Variants in SMARCC2 observed in about 807,000 individuals in gnomAD.
The protein encoded by SMARCC2 is SWI/SNF complex subunit SMARCC2.
SMARCC2 carries 15 observed loss-of-function variants against 151.3 expected under a neutral mutation model. The ratio of observed to expected loss-of-function variants is 0.10; its 90% CI spans 0.07 to 0.15. The LOEUF (loss-of-function observed/expected upper bound fraction) is 0.15, where lower values mean the gene tolerates loss of function less well. Ranked by LOEUF, SMARCC2 falls within the 10% of genes least tolerant of loss-of-function variation. SMARCC2 has a pLI of 1.00. For missense variants in SMARCC2, 1,031 were observed against 1,599.7 expected (o/e 0.64, Z 6.06); for synonymous variants, 590 against 609.5 (o/e 0.97, Z 0.47).
At position 56,177,957 on chromosome 12, in the gene SMARCC2, G is replaced by C. The variant is rs1304670690; in HGVS notation, c.1382+65C>G. 2.7e-6 allele frequency: 3 copies of C among 1,094,332 alleles called. No homozygotes were observed. The East Asian group carries it at 7.2e-5, about 26-fold the overall frequency. 67.8% of individuals were successfully genotyped at this position (1,094,332 alleles called of 1,614,324 possible). A position where few individuals can be genotyped will look rare whatever the true frequency, so the allele number is the denominator to read the frequency against. On this transcript the variant is annotated intron_variant, in intron 15 of 28. Coordinates refer to ENST00000550164, the MANE Select transcript of SMARCC2 (RefSeq NM_001330288.2). ...AATGTTTGCTAAACTGAATGTTACT[G>C]GATCAGGAAGGGTGAATGTGGGGAC...
rs1876102975 is a variant in SMARCC2 at position 56,181,068 on chromosome 12, G to T, written c.990C>A (p.Gly330=). The change falls in exon 11 of 29, where the codon GGC becomes GGA. Residue 330 remains glycine (G), a synonymous_variant. Transcript: ENST00000550164. ...GGTCTTCTTGCTCCTCTTCTCTGTG[G>T]CCACGCTTTGACTTAGTGTAAGGTG... The part of the protein sequence containing the change: ...PSTPYTKSKR[G]HREEEQEDLT... 6.2e-7 allele frequency: 1 copy of T among 1,613,876 alleles called. No homozygotes were observed. The highest frequency in any genetic ancestry group is 8.5e-7 in the Non-Finnish European group (1 of 1,179,896).
intron 27 of SMARCC2, 55 bp from the exon 28 acceptor site, chr12:56,164,786 C>T (rs1447423783): frequency 5.1e-6 from 7 of 1,384,256 alleles, no homozygotes; most frequent in Non-Finnish European, 4.9e-6. Context: ...TGCTTAACAA[C>T]TCACCTTTTC....
At chr12:56,182,255 GAACA>G (rs1264967083) in intron 7 of SMARCC2, among the ~76,000 whole-genome samples, 176 bp from the exon 8 acceptor site, 1 of 151,662 alleles carries the variant, frequency 6.6e-6, no homozygotes, top group African/African-American at 2.4e-5. Flanking sequence ...CAAAAATAGA[GAACA>G]AAAAGAATCA....
Position 56,170,421 on chromosome 12 carries a change from TTTTTTTG to T in SMARCC2, c.2348-220_2348-214del, listed in dbSNP as rs1471755809. 7.2e-5 allele frequency among the ~76,000 whole-genome samples: 11 copies of T among 151,970 alleles called. 2 individuals are homozygous for T. In the South Asian group the frequency reaches 2.1e-3, roughly 29 times the overall value. ...ACCCAGCTTCTCCATAACACCTGTT[TTTTTTTG>T]TTTTTTGTTTTTTTGTGACAGGGTC... On this transcript the variant is annotated intron_variant, in intron 22 of 28. Coordinates refer to ENST00000550164, the MANE Select transcript of SMARCC2 (RefSeq NM_001330288.2).
chr12:56,173,251 T>C (rs925640974), intron 17 of SMARCC2, among the ~76,000 whole-genome samples: 1 of 152,222 alleles, frequency 6.6e-6, no homozygotes, highest in Non-Finnish European at 1.5e-5. Flanking sequence ...AATTAGGTTC[T>C]AATCCTAGAT....
At chr12:56,185,885 T>C (rs927351416) in intron 3 of SMARCC2, 2 of 478,722 alleles carry the variant, frequency 4.2e-6, no homozygotes, top group Non-Finnish European at 3.7e-6. Context: ...TCACTCTCTG[T>C]GCTTACTTCA....
intron 14 of SMARCC2, 32 bp from the exon 15 acceptor site, chr12:56,178,125 A>C (rs1206652393): frequency 1.9e-6 from 3 of 1,584,878 alleles, no homozygotes; most frequent in Non-Finnish European, 2.6e-6. Context: ...TTTCAGAAGA[A>C]GGCATTGGTG....
intron 16 of SMARCC2, 82 bp downstream of exon 16, chr12:56,174,569 T>G (rs1343881567): frequency 1.2e-6 from 1 of 865,186 alleles, no homozygotes; most frequent in Non-Finnish European, 2.0e-6. Flanking sequence ...CTGTGTTCCT[T>G]GCTGGCATCT....
intron 1 of SMARCC2, 33 bp from the exon 2 acceptor site, chr12:56,187,339 G>C (rs761819935): frequency 7.5e-6 from 12 of 1,601,412 alleles, no homozygotes; most frequent in Middle Eastern, 1.7e-4. Flanking sequence ...AAGAAAAATA[G>C]ATCTCAGATA....
At position 56,171,282 on chromosome 12, in the gene SMARCC2, G is replaced by A. The variant is rs777896357; in HGVS notation, c.2336C>T (p.Pro779Leu). 6.2e-7 allele frequency: 1 copy of A among 1,614,210 alleles called. No homozygotes were observed. The highest frequency in any genetic ancestry group is 1.7e-5 in the Admixed American group (1 of 60,020). Reference protein sequence around the residue: ...SGIAGTTSDEPERIEESGNDE... With the variant: ...SGIAGTTSDELERIEESGNDE... The stretch of plus-strand genomic sequence containing the variant: ...CTGCCTGGCCTTACCAATCCGCTCA[G>A]GCTCATCAGAGGTGGTTCCTGCAAT... Residue 779 changes from proline (P) to leucine (L), a missense_variant, in exon 22 of 29, where the codon CCT (proline) becomes CTT (leucine). This residue lies in a region of SMARCC2 where 119 missense variants were observed against 184.2 expected (regional missense o/e 0.65). Coordinates refer to ENST00000550164, the MANE Select transcript of SMARCC2 (RefSeq NM_001330288.2). The surrounding 1 kb of genome is among the most constrained non-coding windows in gnomAD (Gnocchi z 4.2).
chr12:56,185,130 T>C lies in SMARCC2; in HGVS notation c.318-19A>G, dbSNP rs769440625. On this transcript the variant is annotated intron_variant, in intron 3 of 28. Coordinates refer to ENST00000550164, the MANE Select transcript of SMARCC2 (RefSeq NM_001330288.2). ...ACGCCGCCTTGTGAAGAGGCAATAA[T>C]CTAGTGAGTGGTATAGCTCAGGTCT... is the stretch of plus-strand genomic sequence containing the variant. The C allele has an allele frequency of 6.2e-7, 1 of 1,605,604 alleles. No homozygotes were observed. The highest frequency in any genetic ancestry group is 1.3e-5 in the African/African-American group (1 of 74,748).
chr12:56,183,507 T>A (rs1876655711), intron 7 of SMARCC2: 1 of 172,900 alleles, frequency 5.8e-6, no homozygotes, highest in African/African-American at 2.4e-5. Context: ...TATTCACTTA[T>A]AAATTATCCA....
At chr12:56,184,082 A>G (rs1592322072) in intron 6 of SMARCC2, 93 bp downstream of exon 6, 9 of 1,081,204 alleles carry the variant, frequency 8.3e-6, no homozygotes, top group Admixed American at 4.0e-5. Context: ...GATTGAAAGA[A>G]GAGGAGGAGC....
chr12:56,170,699 G>A (rs1948622976), intron 22 of SMARCC2, among the ~76,000 whole-genome samples: 1 of 147,204 alleles, frequency 6.8e-6, no homozygotes, highest in African/African-American at 2.5e-5. Context: ...ACAGGCATGA[G>A]CCACTGCACC....
Position 56,179,572 on chromosome 12 carries a change from T to C in SMARCC2, c.1082-516A>G, listed in dbSNP as rs1875711222. 2.0e-5 allele frequency among the ~76,000 whole-genome samples: 3 copies of C among 152,200 alleles called. No homozygotes were observed. In the South Asian group the frequency reaches 6.2e-4, roughly 32 times the overall value. On this transcript the variant is annotated intron_variant, in intron 11 of 28. Transcript: ENST00000550164. ...GAATACCTGGGGTGAGTCTACAGAA[T>C]ACAGACTGTAAACCAGTATTGGTGG... is the stretch of plus-strand genomic sequence containing the variant.
chr12:56,178,885 C>G (rs1330359161), intron 12 of SMARCC2, 38 bp from the exon 13 acceptor site: 1 of 1,611,736 alleles, frequency 6.2e-7, no homozygotes, highest in Admixed American at 1.7e-5. Context: ...CTGGAGCCTC[C>G]TGAGGGGCAA....
intron 10 of SMARCC2, 97 bp from the exon 11 acceptor site, chr12:56,181,198 A>C: frequency 7.8e-7 from 1 of 1,275,626 alleles, no homozygotes; most frequent in Non-Finnish European, 1.1e-6. Context: ...AGAGAATTCC[A>C]AGGGTAGAGC....
intron 26 of SMARCC2, 149 bp downstream of exon 26, chr12:56,167,911 C>CACACACACACACACACACTCAGGCTT (rs1873118351): frequency 1.1e-6 from 1 of 892,280 alleles, no homozygotes; most frequent in African/African-American, 1.7e-5. Flanking sequence ...CACACACACA[C>CACACACACACACACACACTCAGGCTT]TCAGGCTTTC....
intron 3 of SMARCC2, 168 bp from the exon 4 acceptor site, chr12:56,185,279 A>G: frequency 3.4e-6 from 2 of 596,434 alleles, no homozygotes; most frequent in South Asian, 3.6e-5. Context: ...CCCAGGTTCA[A>G]GCAATTCTCC....
Sources: gnomAD v4.1 joint callset for allele counts (sites outside exome capture counted in the v4.1 genomes callset) on GRCh38, gnomAD v4.1.1 for gene constraint, gnomAD v4.1.1 regional missense constraint, Gnocchi (gnomAD v3.1) non-coding constraint, MANE v1.5 for transcripts, NCBI Gene and HGNC (gene_info 2026-07-23, HGNC 2026-07-21) for gene names.